PHACTR3: variants seen among roughly 807,000 people sequenced by gnomAD.
The protein encoded by PHACTR3 is protein phosphatase 1, regulatory subunit 123.
PHACTR3 carries 16 observed loss-of-function variants against 66.8 expected under a neutral mutation model. The ratio of observed to expected loss-of-function variants is 0.24; its 90% CI spans 0.16 to 0.36. PHACTR3 has a LOEUF of 0.36. Ranked by LOEUF, PHACTR3 falls within the 10% of genes least tolerant of loss-of-function variation. The pLI, the probability that PHACTR3 is intolerant of heterozygous loss-of-function variation, is 1.00. For synonymous variants in PHACTR3, 323 were observed against 292.1 expected, an observed-to-expected ratio of 1.11 and a Z score of -1.08; for missense variants, 647 against 719.9, an observed-to-expected ratio of 0.90 and a Z score of 1.16.
At chr20:59,766,944 T>C (rs931339333) in intron 4 of PHACTR3, among the ~76,000 whole-genome samples, 2 of 152,100 alleles carry the variant, frequency 1.3e-5, no homozygotes, top group East Asian at 3.9e-4. Context: ...GGACCTCTCA[T>C]GTGGAAAAAA....
At chr20:59,633,770 A>G (rs1232799069) in intron 1 of PHACTR3, among the ~76,000 whole-genome samples, 1 of 152,148 alleles carries the variant, frequency 6.6e-6, no homozygotes, top group African/African-American at 2.4e-5. Flanking sequence ...AATTTTAATA[A>G]TGAGTCACCC....
intron 7 of PHACTR3, among the ~76,000 whole-genome samples, chr20:59,803,334 T>C (rs1300917979): frequency 6.6e-6 from 1 of 152,242 alleles, no homozygotes; most frequent in Non-Finnish European, 1.5e-5. Flanking sequence ...GCAATCTTTT[T>C]TTGCCAGTTT....
At position 59,806,788 on chromosome 20, in the gene PHACTR3, G is replaced by A. The variant is rs562649960; in HGVS notation, c.1328+594G>A. Among the ~76,000 whole-genome samples the A allele has an allele frequency of 3.3e-5, 5 of 152,304 alleles. No homozygotes were observed. In the South Asian group the frequency reaches 6.2e-4, roughly 19 times the overall value. ...AGCGCACTACACAAACCCAGAGGGCGCGGTCTGCAGCACGCCTGGCTCCAC... is the reference window on the plus strand; with the variant it reads ...AGCGCACTACACAAACCCAGAGGGCACGGTCTGCAGCACGCCTGGCTCCAC... On this transcript the variant is annotated intron_variant, in intron 8 of 12. Transcript: ENST00000371015.
intron 2 of PHACTR3, 101 bp from the exon 3 acceptor site, chr20:59,747,657 G>GT: frequency 7.2e-7 from 1 of 1,387,576 alleles, no homozygotes; most frequent in Non-Finnish European, 1.0e-6. Context: ...CTAGCTCAGT[G>GT]TTTTTGGTCT....
At chr20:59,833,950 G>A (rs1309475122) in intron 8 of PHACTR3, among the ~76,000 whole-genome samples, 1 of 152,110 alleles carries the variant, frequency 6.6e-6, no homozygotes, top group African/African-American at 2.4e-5. Flanking sequence ...TCTTCGAGTG[G>A]AACAAGGTGT....
intron 8 of PHACTR3, among the ~76,000 whole-genome samples, chr20:59,815,666 G>T (rs112734472): frequency 1.6e-4 from 25 of 152,174 alleles, no homozygotes; most frequent in Admixed American, 7.8e-4. Context: ...CTCATGATCC[G>T]CCTGCCTTGG....
intron 1 of PHACTR3, among the ~76,000 whole-genome samples, chr20:59,621,402 G>A (rs1277201144): frequency 6.6e-6 from 1 of 152,264 alleles, no homozygotes. Flanking sequence ...GGGCCATGCT[G>A]GGCAGCCCAT....
intron 1 of PHACTR3, among the ~76,000 whole-genome samples, chr20:59,654,500 C>T (rs2035553606): frequency 1.3e-5 from 2 of 152,056 alleles, no homozygotes; most frequent in East Asian, 1.9e-4. Flanking sequence ...CTCATTTTAC[C>T]TCTCTAAAGG....
intron 8 of PHACTR3, among the ~76,000 whole-genome samples, chr20:59,832,825 C>T (rs1047918445): frequency 6.6e-6 from 1 of 152,186 alleles, no homozygotes; most frequent in Admixed American, 6.5e-5. Flanking sequence ...CAATCATCCT[C>T]TGGATCCCAA....
intron 4 of PHACTR3, among the ~76,000 whole-genome samples, chr20:59,759,506 G>A (rs1348002120): frequency 6.6e-6 from 1 of 152,182 alleles, no homozygotes; most frequent in Non-Finnish European, 1.5e-5. Flanking sequence ...GGGTGTTGGA[G>A]TTTGCAACCC....
At chr20:59,839,163 G>A (rs1837559249) in intron 9 of PHACTR3, among the ~76,000 whole-genome samples, 1 of 152,040 alleles carries the variant, frequency 6.6e-6, no homozygotes, top group Non-Finnish European at 1.5e-5. Flanking sequence ...CTCATGGCTT[G>A]CCTTGTCTGG....
intron 1 of PHACTR3, among the ~76,000 whole-genome samples, chr20:59,636,601 C>A (rs547202945): frequency 5.9e-5 from 9 of 152,252 alleles, no homozygotes; most frequent in Middle Eastern, 3.4e-3. Flanking sequence ...AGGCTCTGGA[C>A]AAAGTTATGT....
chr20:59,756,802 C>T (rs1207042853), intron 4 of PHACTR3, among the ~76,000 whole-genome samples: 3 of 152,050 alleles, frequency 2.0e-5, no homozygotes, highest in Non-Finnish European at 2.9e-5. Flanking sequence ...AGGTATATCT[C>T]CTAATGCTTT....
chr20:59,787,253 C>T (rs1042778308), intron 7 of PHACTR3, among the ~76,000 whole-genome samples: 7 of 152,204 alleles, frequency 4.6e-5, no homozygotes, highest in African/African-American at 1.7e-4. Flanking sequence ...CAGGCGTTCT[C>T]GCAGAGGATG....
chr20:59,642,951 G>A lies in PHACTR3; in HGVS notation c.118+37819G>A, dbSNP rs559365086. 3.2e-4 allele frequency among the ~76,000 whole-genome samples: 49 copies of A among 152,088 alleles called. 2 individuals carry two copies. The South Asian group carries it at 6.0e-3, about 19-fold the overall frequency. ...TTTTGAGACAGAGTCTCACTCTGTC[G>A]CCCAGGCTGGAGTGCAGTGGCACGA... On this transcript the variant is annotated intron_variant, in intron 1 of 12. Transcript: ENST00000371015.
Position 59,815,431 on chromosome 20 carries a change from TG to T in PHACTR3, c.1328+9238del, listed in dbSNP as rs1190485092. 4.2e-3 allele frequency among the ~76,000 whole-genome samples: 631 copies of T among 148,952 alleles called. 40 individuals are homozygous for T. The highest frequency in any genetic ancestry group is 0.015 in the African/African-American group (579 of 39,630). ...CTTGGGGTTCTGGTTTTTTTTTTTT[TG>T]TTTTTTTTTTTGAGATGGACTCTCA... is the stretch of plus-strand genomic sequence containing the variant. On this transcript the variant is annotated intron_variant, in intron 8 of 12. Coordinates refer to ENST00000371015, the MANE Select transcript of PHACTR3 (RefSeq NM_080672.5).
chr20:59,810,090 C>CA (rs58039859), intron 8 of PHACTR3, among the ~76,000 whole-genome samples: 43 of 151,180 alleles, frequency 2.8e-4, no homozygotes, highest in Admixed American at 1.4e-3. Flanking sequence ...ATCTAAACAA[C>CA]AAAAAAAAAG....
chr20:59,756,780 G>A (rs993275413), intron 4 of PHACTR3, among the ~76,000 whole-genome samples: 3 of 151,762 alleles, frequency 2.0e-5, no homozygotes, highest in African/African-American at 4.8e-5. Context: ...CCATTAACTC[G>A]TCATTTACAT....
chr20:59,748,131 A>G (rs7268416), intron 3 of PHACTR3, among the ~76,000 whole-genome samples: 9,673 of 152,228 alleles, frequency 0.064, 504 homozygotes, highest in African/African-American at 0.15. Flanking sequence ...GTTTATCCCA[A>G]TTCCTTTAAA....
Sources: allele counts gnomAD v4.1 joint callset (sites outside exome capture counted in the v4.1 genomes callset), GRCh38; gene constraint gnomAD v4.1.1; transcripts MANE v1.5; gene names NCBI Gene and HGNC (gene_info 2026-07-23, HGNC 2026-07-21).